The following ZNF333 variants were observed in gnomAD, a reference collection of about 807,000 sequenced individuals.
ZNF333 encodes zinc finger protein 333.
Under a neutral mutation model 76.1 loss-of-function variants are expected in ZNF333, and 61 were observed. The observed-to-expected ratio is 0.80, with a 90% confidence interval of 0.65 to 0.99. ZNF333 has a LOEUF of 0.99. Ranked by LOEUF, ZNF333 falls within the 50% of genes least tolerant of loss-of-function variation. ZNF333 has a pLI of 0.00. For synonymous variants in ZNF333, 284 were observed against 305.0 expected (o/e 0.93, Z 0.72); for missense variants, 717 against 822.4 (o/e 0.87, Z 1.57).
At chr19:14,717,281 C>G in intron 10 of ZNF333, 192 bp downstream of exon 10, 1 of 561,150 alleles carries the variant, frequency 1.8e-6, no homozygotes, top group South Asian at 2.3e-5. Context: ...GCATTCATCT[C>G]CTAGAAAGAT....
intron 7 of ZNF333, among the ~76,000 whole-genome samples, chr19:14,712,959 C>A (rs2042321119): frequency 6.6e-6 from 1 of 152,120 alleles, no homozygotes; most frequent in South Asian, 2.1e-4. Flanking sequence ...TTTCCACATG[C>A]AAAATACACT....
chr19:14,718,842 A>C lies in ZNF333; in HGVS notation c.1515A>C (p.Pro505=). The change falls in exon 12 of 12, where the codon CCA becomes CCC. Residue 505 remains proline, a synonymous_variant. Transcript: ENST00000292530. ...TGCGAACCCATACCAGAGAGAAACC[A>C]TATGAATGCAACCAGTGTGGCAAGC... ...THLRTHTREK[P]YECNQCGKPF... 1 of 1,614,062 alleles carries C rather than the reference A, an allele frequency of 6.2e-7. No homozygotes were observed. Among genetic ancestry groups the C allele is most frequent in the East Asian group, 2.2e-5 (1 of 44,870 alleles).
At chr19:14,710,360 T>G (rs542125121) in intron 7 of ZNF333, among the ~76,000 whole-genome samples, 2 of 152,062 alleles carry the variant, frequency 1.3e-5, no homozygotes, top group South Asian at 4.2e-4. Context: ...GGGGGTTGAG[T>G]GTGGAGGAGG....
At position 14,695,956 on chromosome 19, in the gene ZNF333, A is replaced by G. The variant is rs1157107360; in HGVS notation, c.223+295A>G. ...CACTTTGGGAGGCCGAGGCTGGTGG[A>G]TCACCTGAGGTCAGGAGTTCGAGAC... On this transcript the variant is annotated intron_variant, in intron 4 of 11. Transcript: ENST00000292530. Among the ~76,000 whole-genome samples, 3 of 152,282 alleles carry G rather than the reference A, an allele frequency of 2.0e-5. No homozygotes were observed. The East Asian group carries it at 5.8e-4, about 29-fold the overall frequency.
At chr19:14,699,101 T>G in intron 4 of ZNF333, 98 bp from the exon 5 acceptor site, 1 of 899,214 alleles carries the variant, frequency 1.1e-6, no homozygotes, top group Admixed American at 1.8e-5. Context: ...GTGTGTATAG[T>G]GTGTATATAT....
chr19:14,713,560 G>A (rs2042339234), intron 7 of ZNF333, among the ~76,000 whole-genome samples: 1 of 152,138 alleles, frequency 6.6e-6, no homozygotes, highest in South Asian at 2.1e-4. Context: ...GAAGAGGAGG[G>A]CCTGCAACCT....
intron 5 of ZNF333, chr19:14,701,970 C>A (rs2041970444): frequency 1.1e-6 from 1 of 920,708 alleles, no homozygotes; most frequent in Non-Finnish European, 1.3e-6. Flanking sequence ...GGTTCTACTG[C>A]CTGACGATCA....
downstream of ZNF333, among the ~76,000 whole-genome samples, chr19:14,726,335 C>T (rs370044152): frequency 2.0e-5 from 3 of 152,108 alleles, no homozygotes; most frequent in South Asian, 4.1e-4. Context: ...GGAAGATCCC[C>T]GAAATGCCTT....
chr19:14,692,151 A>G (rs1972822878), intron 1 of ZNF333, among the ~76,000 whole-genome samples: 1 of 152,156 alleles, frequency 6.6e-6, no homozygotes, highest in Admixed American at 6.6e-5. Flanking sequence ...GCCCCTGTGG[A>G]GGCTTTATTC....
At chr19:14,692,323 G>A (rs959247988) in intron 1 of ZNF333, among the ~76,000 whole-genome samples, 21 of 152,132 alleles carry the variant, frequency 1.4e-4, no homozygotes, top group African/African-American at 4.8e-4. Context: ...CTGTGGAGTG[G>A]GGTAGCGGAG....
chr19:14,715,357 T>G, intron 7 of ZNF333, 25 bp from the exon 8 acceptor site: 1 of 1,610,516 alleles, frequency 6.2e-7, no homozygotes, highest in Non-Finnish European at 8.5e-7. Context: ...GCACCAACCC[T>G]CATGCCTCTT....
At position 14,731,121 on chromosome 19, in the gene ZNF333, A is replaced by G. The variant is rs112800494; in HGVS notation, c.901-54A>G. ...CCCCCAAGGATTGGCCCCTTTATTC[A>G]TTCAATTTCTCTTCTCTTTCCCTCA... On this transcript the variant is annotated intron_variant, in intron 11 of 11. Transcript: ENST00000540689. 2.3e-3 allele frequency: 3,396 copies of G among 1,483,536 alleles called. 69 individuals carry two copies. In the African/African-American group the frequency reaches 0.041, roughly 18 times the overall value. The allele number at this position is 1,483,536 out of a possible 1,614,324, so 91.9% of individuals were successfully genotyped here. A position where few individuals can be genotyped will look rare whatever the true frequency, so the allele number is the denominator to read the frequency against.
intron 5 of ZNF333, chr19:14,702,013 C>G (rs1400819718): frequency 1.7e-6 from 1 of 580,892 alleles, no homozygotes; most frequent in East Asian, 1.4e-4. Context: ...GGTGCTGACC[C>G]TTTAGGTAGC....
At chr19:14,728,092 A>C (rs1277386819) in intron 11 of ZNF333, among the ~76,000 whole-genome samples, 1 of 152,162 alleles carries the variant, frequency 6.6e-6, no homozygotes, top group Non-Finnish European at 1.5e-5. Flanking sequence ...GGGCGCCTGT[A>C]GTCCCAACTA....
chr19:14,691,588 A>C (rs1158466755), intron 1 of ZNF333, among the ~76,000 whole-genome samples: 1 of 152,116 alleles, frequency 6.6e-6, no homozygotes, highest in Non-Finnish European at 1.5e-5. Context: ...TTGTTTCTTA[A>C]AGGTACCTGA....
In ZNF333 at chr19:14,695,272, A is replaced by G. The variant is rs1973093653; in HGVS notation, c.127+139A>G. On this transcript the variant is annotated intron_variant, in intron 3 of 11. Coordinates refer to ENST00000292530, the MANE Select transcript of ZNF333 (RefSeq NM_032433.4). ...AGGATGACAAAGCTTCATCTGTTGC[A>G]TTGACTTCTTTCCCTCTGTAGTAAG... The G allele has an allele frequency of 3.9e-6, 5 of 1,297,290 alleles. No individual in the cohort carries two copies. In the South Asian group the frequency reaches 6.1e-5, roughly 16 times the overall value. The allele number at this position is 1,297,290 out of a possible 1,614,324, so 80.4% of individuals were successfully genotyped here.
intron 5 of ZNF333, among the ~76,000 whole-genome samples, chr19:14,702,146 C>T (rs2041975693): frequency 6.6e-6 from 1 of 152,142 alleles, no homozygotes; most frequent in Non-Finnish European, 1.5e-5. Context: ...ATTGAGTCCC[C>T]ATGGCCTCCC....
downstream of ZNF333, among the ~76,000 whole-genome samples, chr19:14,726,853 A>T (rs1157372626): frequency 6.6e-6 from 1 of 152,066 alleles, no homozygotes; most frequent in Non-Finnish European, 1.5e-5. Flanking sequence ...AAGAAGTTCC[A>T]AACTTTCTCT....
chr19:14,696,202 A>C (rs970809876), intron 4 of ZNF333, among the ~76,000 whole-genome samples: 2 of 152,150 alleles, frequency 1.3e-5, no homozygotes, highest in Non-Finnish European at 2.9e-5. Flanking sequence ...AATTAGAGCT[A>C]TAAGTCACAC....
Sources: gnomAD v4.1 joint callset for allele counts (sites outside exome capture counted in the v4.1 genomes callset) on GRCh38, gnomAD v4.1.1 for gene constraint, MANE v1.5 for transcripts, NCBI Gene and HGNC (gene_info 2026-07-23, HGNC 2026-07-21) for gene names.